ZNF469: variants seen among roughly 807,000 people sequenced by gnomAD.
The protein encoded by ZNF469 is zinc finger protein 469.
In ZNF469, 1 loss-of-function variant was observed where a neutral mutation model predicts 1.0. That is an observed-to-expected ratio of 1.00 (90% confidence interval 0.35 to 4.73). The LOEUF (loss-of-function observed/expected upper bound fraction) is 4.73. Ranked by LOEUF, ZNF469 falls within the 30% of genes most tolerant of loss-of-function variation. ZNF469 has a pLI of 0.16. For synonymous variants in ZNF469, 2,703 were observed against 2,363.4 expected, an observed-to-expected ratio of 1.14 and a Z score of -4.17; for missense variants, 6,100 against 5,356.3, an observed-to-expected ratio of 1.14 and a Z score of -4.33.
the ZNF469 span, among the ~76,000 whole-genome samples, chr16:88,148,189 T>C: frequency 6.6e-6 from 1 of 152,142 alleles, no homozygotes; most frequent in African/African-American, 2.4e-5. Context: ...CACGCATCAA[T>C]GTGTGTTCAC....
chr16:88,435,732 G>T lies in ZNF469; in HGVS notation c.8262G>T (p.Gly2754=), dbSNP rs1050043012. 8.4e-6 allele frequency: 13 copies of T among 1,550,874 alleles called. No homozygotes were observed. Among genetic ancestry groups the T allele is most frequent in the Non-Finnish European group, 1.1e-5 (13 of 1,146,998 alleles). ...PTGQKGASAR[G]FWGPRETKAL... ...GGCAGAAGGGAGCCTCGGCAAGGGG[G>T]TTCTGGGGACCAAGAGAGACCAAGG... The change falls in exon 3 of 3, where the codon GGG becomes GGT. Residue 2754 remains glycine (G), a synonymous_variant. Coordinates refer to ENST00000565624, the MANE Select transcript of ZNF469 (RefSeq NM_001367624.2).
Position 88,429,342 on chromosome 16 carries a change from G to C in ZNF469, c.1872G>C (p.Gln624His). The C allele has an allele frequency of 6.5e-7, 1 of 1,549,916 alleles. No homozygotes were observed. The change falls in exon 3 of 3, where the codon CAG becomes CAC. Residue 624 changes from glutamine to histidine, a missense_variant. Physicochemically the swap from Gln to His is conservative, Grantham distance 24. Coordinates refer to ENST00000565624, the MANE Select transcript of ZNF469 (RefSeq NM_001367624.2). Reference protein sequence around the residue: ...SPANPSSEESQLPGPLGPSAF... With the variant: ...SPANPSSEESHLPGPLGPSAF... ...CCAACCCCAGCTCAGAGGAAAGCCA[G>C]CTCCCCGGCCCCCTCGGGCCCTCGG...
the ZNF469 span, among the ~76,000 whole-genome samples, chr16:88,280,751 G>C: frequency 6.8e-6 from 1 of 146,050 alleles, no homozygotes; most frequent in Non-Finnish European, 1.5e-5. Context: ...TGCACGTGTT[G>C]GTGCTGTGTC....
the ZNF469 span, among the ~76,000 whole-genome samples, chr16:88,377,349 C>T: frequency 1.2e-4 from 19 of 152,316 alleles, no homozygotes; most frequent in South Asian, 1.0e-3. Context: ...CGGTGGCTTC[C>T]GGCTACTCTC....
the ZNF469 span, among the ~76,000 whole-genome samples, chr16:88,352,611 T>C: frequency 2.0e-5 from 3 of 152,358 alleles, no homozygotes; most frequent in East Asian, 5.8e-4. Flanking sequence ...TTCCCAGAAC[T>C]GGTAGACGGG....
At chr16:88,324,118 G>A in the ZNF469 span, among the ~76,000 whole-genome samples, 2 of 152,234 alleles carry the variant, frequency 1.3e-5, no homozygotes, top group African/African-American at 4.8e-5. Flanking sequence ...GCTGGCCAGG[G>A]GCCTGTGGTC....
chr16:88,208,288 G>A, the ZNF469 span, among the ~76,000 whole-genome samples: 2 of 151,540 alleles, frequency 1.3e-5, no homozygotes, highest in African/African-American at 2.4e-5. Flanking sequence ...TCCCTGTTGC[G>A]TGCTGCAATC....
chr16:88,402,496 C>A (rs1018386138), intron 1 of ZNF469, among the ~76,000 whole-genome samples: 10 of 152,072 alleles, frequency 6.6e-5, no homozygotes, highest in African/African-American at 2.4e-4. Flanking sequence ...GCTACCTGGG[C>A]CAAGTTGTGT....
the ZNF469 span, among the ~76,000 whole-genome samples, chr16:88,223,424 G>C: frequency 5.3e-5 from 8 of 152,276 alleles, no homozygotes; most frequent in South Asian, 1.7e-3. Flanking sequence ...ACCCAGTCTT[G>C]GGTATGTCTT....
the ZNF469 span, among the ~76,000 whole-genome samples, chr16:88,147,213 C>T: frequency 3.4e-4 from 51 of 152,076 alleles, no homozygotes; most frequent in East Asian, 1.9e-3. Flanking sequence ...GGAGGGGCCA[C>T]GAGCCAAGGG....
chr16:88,254,618 C>T, the ZNF469 span, among the ~76,000 whole-genome samples: 14 of 152,194 alleles, frequency 9.2e-5, no homozygotes, highest in East Asian at 7.7e-4. Flanking sequence ...ATTAGCCGGG[C>T]GTGGTGGCAC....
chr16:88,350,618 G>A, the ZNF469 span, among the ~76,000 whole-genome samples: 4 of 152,244 alleles, frequency 2.6e-5, no homozygotes, highest in Non-Finnish European at 4.4e-5. Context: ...CATGATTCCG[G>A]AACCTCACGT....
At chr16:88,178,647 C>G in the ZNF469 span, 1 of 152,162 alleles carries the variant, frequency 6.6e-6, no homozygotes. Flanking sequence ...GCTTGCTGCA[C>G]TGGAAGAGCA....
chr16:88,212,946 T>C, the ZNF469 span, among the ~76,000 whole-genome samples: 1,416 of 152,378 alleles, frequency 9.3e-3, 23 homozygotes, highest in African/African-American at 0.032. Flanking sequence ...ATCTATGTCC[T>C]TAGTTTTAAA....
chr16:88,428,975 G>A lies in ZNF469; in HGVS notation c.1505G>A (p.Ser502Asn), dbSNP rs1905913969. ...RPSPHGMEML[S>N]RLPFPAGGPE... is the part of the protein sequence containing the mutation. ...AGTCCCCACGGAATGGAGATGCTGA[G>A]CCGGCTGCCTTTCCCCGCGGGGGGC... The change falls in exon 3 of 3, where the codon AGC (serine) becomes AAC (asparagine). Residue 502 changes from serine (S) to asparagine (N), a missense_variant. Transcript: ENST00000565624. 1.3e-6 allele frequency: 2 copies of A among 1,548,730 alleles called. No individual in the cohort carries two copies. The highest frequency in any genetic ancestry group is 1.7e-6 in the Non-Finnish European group (2 of 1,146,540).
In ZNF469 at chr16:88,434,525, C is replaced by T. The variant is rs1906429820; in HGVS notation, c.7055C>T (p.Pro2352Leu). The change falls in exon 3 of 3, where the codon CCT becomes CTT. Residue 2352 changes from proline (P) to leucine (L), a missense_variant. Coordinates refer to ENST00000565624, the MANE Select transcript of ZNF469 (RefSeq NM_001367624.2). ...GCTGTCACAGCTGTGCCCACTGAGC[C>T]TCCCACGCTACAGGGTGCAGGGCCG... The part of the protein sequence containing the change: ...GQAVTAVPTE[P>L]PTLQGAGPDS... The T allele has an allele frequency of 6.5e-7, 1 of 1,550,322 alleles. No individual in the cohort carries two copies. The highest frequency in any genetic ancestry group is 8.7e-7 in the Non-Finnish European group (1 of 1,146,972).
In ZNF469 at chr16:88,433,499, G is replaced by C. The variant is rs886052407; in HGVS notation, c.6029G>C (p.Gly2010Ala). 1 of 1,550,406 alleles carries C rather than the reference G, an allele frequency of 6.4e-7. No individual in the cohort carries two copies. The highest frequency in any genetic ancestry group is 2.0e-5 in the Admixed American group (1 of 51,010). Reference protein sequence around the residue: ...QLQPENGVSPGGTDNHASVNA... With the variant: ...QLQPENGVSPAGTDNHASVNA... Reference sequence around the variant, plus strand: ...CAGCCAGAGAACGGGGTGAGCCCAGGGGGCACGGACAACCACGCCTCAGTC... The same window carrying C: ...CAGCCAGAGAACGGGGTGAGCCCAGCGGGCACGGACAACCACGCCTCAGTC... Residue 2010 changes from glycine to alanine, a missense_variant, in exon 3 of 3, where the codon GGG becomes GCG. Coordinates refer to ENST00000565624, the MANE Select transcript of ZNF469 (RefSeq NM_001367624.2).
the ZNF469 span, among the ~76,000 whole-genome samples, chr16:88,272,197 TTAGA>T: frequency 5.2e-5 from 7 of 134,330 alleles, no homozygotes; most frequent in South Asian, 2.5e-4. Flanking sequence ...TTGCGGGTTG[TTAGA>T]TGGATGGATA....
chr16:88,195,762 G>A, the ZNF469 span, among the ~76,000 whole-genome samples: 1 of 152,210 alleles, frequency 6.6e-6, no homozygotes, highest in Non-Finnish European at 1.5e-5. Flanking sequence ...AGAGCGTCAG[G>A]AAAGGTCCCA....
Sources: allele counts gnomAD v4.1 joint callset (sites outside exome capture counted in the v4.1 genomes callset), GRCh38; gene constraint gnomAD v4.1.1; transcripts MANE v1.5; gene names NCBI Gene and HGNC (gene_info 2026-07-23, HGNC 2026-07-21).